Variants in KLF8 observed in about 807,000 individuals in gnomAD.
KLF8 encodes Krueppel-like factor 8.
KLF8 carries 10 observed loss-of-function variants against 18.2 expected under a neutral mutation model. The ratio of observed to expected loss-of-function variants is 0.55; its 90% CI spans 0.34 to 0.93. The LOEUF (loss-of-function observed/expected upper bound fraction) is 0.93, where lower values mean the gene tolerates loss of function less well. Ranked by LOEUF, KLF8 falls within the 40% of genes least tolerant of loss-of-function variation. The pLI is 0.02. For missense variants in KLF8, 264 were observed against 277.9 expected, an observed-to-expected ratio of 0.95 and a Z score of 0.36; for synonymous variants, 109 against 97.3, an observed-to-expected ratio of 1.12 and a Z score of -0.71.
chrX:56,098,942 A>G, the KLF8 span, among the ~76,000 whole-genome samples: 2 of 112,181 alleles, frequency 1.8e-5, no homozygotes, highest in East Asian at 2.8e-4. Context: ...AAAAGGATGA[A>G]CTATCTAAAA....
the KLF8 span, among the ~76,000 whole-genome samples, chrX:56,095,169 A>G: frequency 8.9e-6 from 1 of 111,953 alleles, no homozygotes; most frequent in Admixed American, 9.5e-5. Context: ...ATAAAACACC[A>G]TACCTACAAC....
At chrX:56,225,485 C>G in the KLF8 span, among the ~76,000 whole-genome samples, 51 of 111,611 alleles carry the variant, frequency 4.6e-4, no homozygotes, top group African/African-American at 1.6e-3. Context: ...TGGGAGAGGA[C>G]AGAAGGTGAG....
chrX:56,039,259 G>C, the KLF8 span, among the ~76,000 whole-genome samples: 1 of 111,647 alleles, frequency 9.0e-6, no homozygotes, highest in Non-Finnish European at 1.9e-5. Context: ...ATTGCTTCTG[G>C]TGTTTATGTC....
the KLF8 span, among the ~76,000 whole-genome samples, chrX:56,055,116 A>C: frequency 9.0e-6 from 1 of 111,520 alleles, no homozygotes; most frequent in Non-Finnish European, 1.9e-5. Context: ...GATCTTGTCA[A>C]CATGATATTA....
At chrX:55,920,728 A>C in the KLF8 span, among the ~76,000 whole-genome samples, 2 of 111,590 alleles carry the variant, frequency 1.8e-5, no homozygotes, top group Non-Finnish European at 3.8e-5. Context: ...ACAAAGAAAA[A>C]AGAATTTTAA....
the KLF8 span, among the ~76,000 whole-genome samples, chrX:56,208,749 TC>T: frequency 8.9e-6 from 1 of 111,825 alleles, no homozygotes; most frequent in Admixed American, 9.5e-5. Context: ...TTTTTTAATT[TC>T]CATGTAGTTG....
chrX:56,016,324 G>A, the KLF8 span, among the ~76,000 whole-genome samples: 2 of 112,357 alleles, frequency 1.8e-5, no homozygotes, highest in Non-Finnish European at 3.8e-5. Flanking sequence ...AATCAAAATT[G>A]AGATTCCCAA....
the KLF8 span, among the ~76,000 whole-genome samples, chrX:56,214,070 C>T: frequency 9.0e-6 from 1 of 111,167 alleles, no homozygotes; most frequent in South Asian, 3.9e-4. Context: ...AAAGCCGTCC[C>T]TCTGAAGTCA....
chrX:55,944,617 G>A, the KLF8 span, among the ~76,000 whole-genome samples: 44 of 111,705 alleles, frequency 3.9e-4, no homozygotes, highest in East Asian at 5.6e-4. Context: ...GTTTATTTGC[G>A]TAGAGGTGTT....
the KLF8 span, among the ~76,000 whole-genome samples, chrX:56,007,180 T>C: frequency 8.9e-6 from 1 of 111,869 alleles, no homozygotes; most frequent in South Asian, 3.8e-4. Flanking sequence ...GCTGCATTTA[T>C]GGGTCCAGCC....
chrX:56,094,009 T>C, the KLF8 span, among the ~76,000 whole-genome samples: 5 of 104,482 alleles, frequency 4.8e-5, no homozygotes, highest in South Asian at 1.3e-3. Context: ...AGTGTTTAAT[T>C]GAAACAAGAA....
intron 1 of KLF8, among the ~76,000 whole-genome samples, chrX:56,246,541 G>C (rs2066625059): frequency 9.0e-6 from 1 of 111,336 alleles, no homozygotes; most frequent in African/African-American, 3.3e-5. Context: ...CAGGAGGCTG[G>C]AAAAACTTTG....
chrX:56,130,546 T>A, the KLF8 span, among the ~76,000 whole-genome samples: 7 of 111,119 alleles, frequency 6.3e-5, no homozygotes, highest in Middle Eastern at 4.6e-3. Flanking sequence ...CCTACCCAAA[T>A]GAGATGGAAC....
At chrX:56,107,865 C>T in the KLF8 span, among the ~76,000 whole-genome samples, 1 of 111,824 alleles carries the variant, frequency 8.9e-6, no homozygotes, top group Non-Finnish European at 1.9e-5. Flanking sequence ...AACGGATCCC[C>T]GGTCCTCTTT....
the KLF8 span, among the ~76,000 whole-genome samples, chrX:55,989,881 T>G: frequency 5.7e-4 from 64 of 111,363 alleles, no homozygotes; most frequent in Non-Finnish European, 1.1e-3. Context: ...CAATTTCAGC[T>G]CCTGTTATTG....
At chrX:56,129,428 G>A in the KLF8 span, among the ~76,000 whole-genome samples, 1 of 111,829 alleles carries the variant, frequency 8.9e-6, no homozygotes, top group East Asian at 2.8e-4. Context: ...GGTCCAGATC[G>A]CAGGAGAAGG....
At chrX:56,119,009 G>A in the KLF8 span, among the ~76,000 whole-genome samples, 1 of 110,459 alleles carries the variant, frequency 9.1e-6, no homozygotes, top group Non-Finnish European at 1.9e-5. Flanking sequence ...TAGAGAGAAT[G>A]TTGTATGTAA....
chrX:56,085,611 T>C, the KLF8 span, among the ~76,000 whole-genome samples: 6 of 112,178 alleles, frequency 5.3e-5, no homozygotes, highest in African/African-American at 1.3e-4. Flanking sequence ...AGAAACGTAC[T>C]TGTGGACATA....
the KLF8 span, among the ~76,000 whole-genome samples, chrX:56,024,133 T>A: frequency 2.7e-5 from 3 of 111,919 alleles, no homozygotes; most frequent in Non-Finnish European, 3.8e-5. Flanking sequence ...TTTTAAAAAA[T>A]TTATTTTACA....
Sources: gnomAD v4.1 joint callset for allele counts (sites outside exome capture counted in the v4.1 genomes callset) on GRCh38, gnomAD v4.1.1 for gene constraint, MANE v1.5 for transcripts, NCBI Gene and HGNC (gene_info 2026-07-23, HGNC 2026-07-21) for gene names.